The following SLC25A12 variants were observed in gnomAD, a reference collection of about 807,000 sequenced individuals.
SLC25A12 encodes the protein solute carrier family 25 member 12, also known as electrogenic aspartate/glutamate antiporter SLC25A12, mitochondrial.
In SLC25A12, 32 loss-of-function variants were observed where a neutral mutation model predicts 83.3. The ratio of observed to expected loss-of-function variants is 0.38; its 90% confidence interval spans 0.29 to 0.52. SLC25A12 has a LOEUF of 0.52. SLC25A12 is among the 20% of genes least tolerant of loss of function. The pLI is 0.84. For missense variants in SLC25A12, 611 were observed against 835.6 expected (o/e 0.73, Z 3.31); for synonymous variants, 267 against 291.1 (o/e 0.92, Z 0.84).
chr2:171,888,094 CTTTTTTTT>C (rs1194293544), intron 2 of SLC25A12, among the ~76,000 whole-genome samples: 1 of 137,094 alleles, frequency 7.3e-6, no homozygotes, highest in Non-Finnish European at 1.6e-5. Context: ...TTCTTTTTTC[CTTTTTTTT>C]TTTTTTTTTG....
At position 171,886,229 on chromosome 2, in the gene SLC25A12, G is replaced by GT. The variant is rs1685814140; in HGVS notation, c.66+6975_66+6976insA. Among the ~76,000 whole-genome samples, 3 of 133,902 alleles carry GT rather than the reference G, an allele frequency of 2.2e-5. No individual in the cohort carries two copies. The Admixed American group carries it at 2.3e-4, about 10-fold the overall frequency. 87.8% of individuals were successfully genotyped at this position (133,902 alleles called of 152,430 possible). On this transcript the variant is annotated intron_variant, in intron 2 of 17. Coordinates refer to ENST00000422440, the MANE Select transcript of SLC25A12 (RefSeq NM_003705.5). ...TCTACCACTCCTCTTTAATATAATA[G>GT]CTTTTTTTTTTTTTTTTTTGAGACA...
At chr2:171,817,600 CAAAAAA>C (rs71013076) in intron 9 of SLC25A12, among the ~76,000 whole-genome samples, 47 of 64,260 alleles carry the variant, frequency 7.3e-4, no homozygotes, top group Non-Finnish European at 9.9e-4. Context: ...GACTCTGCCT[CAAAAAA>C]AAAAAAAAAA....
At chr2:171,822,109 A>C (rs1684205399) in intron 9 of SLC25A12, among the ~76,000 whole-genome samples, 3 of 152,192 alleles carry the variant, frequency 2.0e-5, no homozygotes, top group African/African-American at 7.2e-5. Context: ...TCAGGCACTT[A>C]AAAAATACAA....
intron 10 of SLC25A12, 22 bp downstream of exon 10, chr2:171,815,099 A>G: frequency 6.3e-7 from 1 of 1,594,134 alleles, no homozygotes; most frequent in South Asian, 1.1e-5. Context: ...AGCCTCAAAC[A>G]GCACACAGAC....
intron 13 of SLC25A12, among the ~76,000 whole-genome samples, chr2:171,806,673 C>CA (rs1683838923): frequency 6.6e-6 from 1 of 152,150 alleles, no homozygotes; most frequent in Non-Finnish European, 1.5e-5. Context: ...CCTAGCTAAT[C>CA]CTTCCTCTGG....
intron 11 of SLC25A12, among the ~76,000 whole-genome samples, chr2:171,810,569 C>T (rs190647940): frequency 1.7e-4 from 26 of 152,324 alleles, no homozygotes; most frequent in African/African-American, 6.0e-4. Flanking sequence ...CGGAGCCATG[C>T]GTCTTCTCTA....
At chr2:171,797,283 T>C (rs1341118473) in intron 13 of SLC25A12, among the ~76,000 whole-genome samples, 2 of 152,252 alleles carry the variant, frequency 1.3e-5, no homozygotes, top group East Asian at 3.9e-4. Context: ...AACAGCTAAG[T>C]AGATACAATT....
chr2:171,802,420 T>C (rs1220423097), intron 13 of SLC25A12, among the ~76,000 whole-genome samples: 3 of 151,560 alleles, frequency 2.0e-5, no homozygotes, highest in African/African-American at 7.3e-5. Flanking sequence ...GTAAGTTTGT[T>C]TGAGAAGATT....
Position 171,844,476 on chromosome 2 carries a change from T to C in SLC25A12, c.358A>G (p.Ile120Val), listed in dbSNP as rs773090391. 2.5e-6 allele frequency: 4 copies of C among 1,606,586 alleles called. No homozygotes were observed. Among genetic ancestry groups the C allele is most frequent in the Non-Finnish European group, 3.4e-6 (4 of 1,173,318 alleles). Residue 120 changes from isoleucine (I) to valine (V), a missense_variant, in exon 5 of 18, where the codon ATT becomes GTT. Around this residue, in one of 3 missense-constraint regions of SLC25A12, gnomAD observed 540 missense variants for 777.5 expected, o/e 0.69. Coordinates refer to ENST00000422440, the MANE Select transcript of SLC25A12 (RefSeq NM_003705.5). ...CAGTTAAAAGGGATATGATGATGAATAATAGTCTGTCCAAAAATTTCTTTG... is the reference window on the plus strand; with the variant it reads ...CAGTTAAAAGGGATATGATGATGAACAATAGTCTGTCCAAAAATTTCTTTG... ...NVKEIFGQTI[I>V]HHHIPFNWDC... is the part of the protein sequence containing the mutation.
intron 4 of SLC25A12, among the ~76,000 whole-genome samples, chr2:171,853,416 C>G (rs938526338): frequency 9.6e-5 from 1 of 10,432 alleles, no homozygotes; most frequent in African/African-American, 1.6e-4. Context: ...TGGCTCACGC[C>G]TGTAATCTCA....
At chr2:171,826,267 A>C (rs184198218) in intron 9 of SLC25A12, among the ~76,000 whole-genome samples, 1 of 152,320 alleles carries the variant, frequency 6.6e-6, no homozygotes, top group Non-Finnish European at 1.5e-5. Flanking sequence ...TCCTTATCTG[A>C]ACAAAACAAA....
intron 3 of SLC25A12, among the ~76,000 whole-genome samples, chr2:171,863,751 T>C (rs1378538407): frequency 6.6e-6 from 1 of 152,238 alleles, no homozygotes; most frequent in Non-Finnish European, 1.5e-5. Context: ...AATATATATG[T>C]TACCTTTAAT....
At chr2:171,844,076 C>T (rs952657359) in intron 5 of SLC25A12, among the ~76,000 whole-genome samples, 20 of 151,986 alleles carry the variant, frequency 1.3e-4, no homozygotes, top group Admixed American at 8.5e-4. Context: ...TGAGCCACTG[C>T]GCCCAGTCGT....
intron 3 of SLC25A12, among the ~76,000 whole-genome samples, chr2:171,859,165 G>A (rs767707292): frequency 1.3e-5 from 2 of 152,104 alleles, no homozygotes; most frequent in Non-Finnish European, 2.9e-5. Context: ...TCTGGCATTA[G>A]TAAGTAGACC....
intron 3 of SLC25A12, among the ~76,000 whole-genome samples, chr2:171,866,118 G>T (rs1389700529): frequency 1.5e-5 from 2 of 132,520 alleles, no homozygotes; most frequent in Non-Finnish European, 3.2e-5. Context: ...ATTTAACCCT[G>T]AGTGGACACA....
intron 4 of SLC25A12, among the ~76,000 whole-genome samples, chr2:171,847,131 C>T (rs925881): frequency 0.77 from 116,803 of 151,950 alleles, 46,004 homozygotes; most frequent in East Asian, 0.89. Flanking sequence ...TTTACTCTGA[C>T]ACTTTTAGGG....
At chr2:171,814,555 G>C (rs1425989672) in intron 10 of SLC25A12, among the ~76,000 whole-genome samples, 1 of 151,524 alleles carries the variant, frequency 6.6e-6, no homozygotes, top group Non-Finnish European at 1.5e-5. Context: ...AGGTAAACAC[G>C]TGTCACGGGC....
intron 17 of SLC25A12, 46 bp from the exon 18 acceptor site, chr2:171,785,521 G>A (rs758521443): frequency 7.0e-6 from 11 of 1,560,850 alleles, no homozygotes; most frequent in African/African-American, 5.4e-5. Context: ...CAAGGTGGAT[G>A]AGCGCAGCTT....
intron 2 of SLC25A12, among the ~76,000 whole-genome samples, chr2:171,886,986 T>C (rs1685836148): frequency 1.3e-5 from 2 of 152,228 alleles, no homozygotes; most frequent in African/African-American, 2.4e-5. Flanking sequence ...ATAATCTTAT[T>C]GTTACTCTAA....
Sources: gnomAD v4.1 joint callset for allele counts (sites outside exome capture counted in the v4.1 genomes callset) on GRCh38, gnomAD v4.1.1 for gene constraint, gnomAD v4.1.1 regional missense constraint, MANE v1.5 for transcripts, NCBI Gene and HGNC (gene_info 2026-07-23, HGNC 2026-07-21) for gene names.